BSN: variants seen among roughly 807,000 people sequenced by gnomAD.
The protein encoded by BSN is protein bassoon.
BSN carries 57 observed loss-of-function variants against 264.8 expected under a neutral mutation model. That is an observed-to-expected ratio of 0.22 (90% CI 0.17 to 0.27). The LOEUF (loss-of-function observed/expected upper bound fraction) is 0.27. BSN is among the 10% of genes least tolerant of loss of function. The pLI, the probability that BSN is intolerant of heterozygous loss-of-function variation, is 1.00. For synonymous variants in BSN, 2,059 were observed against 2,137.3 expected, an observed-to-expected ratio of 0.96 and a Z score of 1.01; for missense variants, 4,615 against 5,232.5, an observed-to-expected ratio of 0.88 and a Z score of 3.64.
rs1360440269 is a variant in BSN, at chr3:49,661,019, T to C, written c.9174T>C (p.Pro3058=). ...CCTTCCAGCAGCCCCGCTTCCAGCCTCCAGCCCCACAGTATTCTGCAGGCA... is the reference window on the plus strand; with the variant it reads ...CCTTCCAGCAGCCCCGCTTCCAGCCCCCAGCCCCACAGTATTCTGCAGGCA... ...PTAFQQPRFQ[P]PAPQYSAGSG... Residue 3058 remains proline, a synonymous_variant, in exon 6 of 12, where the codon CCT becomes CCC. Coordinates refer to ENST00000296452, the MANE Select transcript of BSN (RefSeq NM_003458.4). The C allele has an allele frequency of 1.2e-6, 2 of 1,611,050 alleles. No homozygotes were observed. Among genetic ancestry groups the C allele is most frequent in the East Asian group, 4.5e-5 (2 of 44,874 alleles).
At chr3:49,623,535 T>G (rs2052320120) in intron 1 of BSN, among the ~76,000 whole-genome samples, 1 of 152,230 alleles carries the variant, frequency 6.6e-6, no homozygotes, top group Non-Finnish European at 1.5e-5. Flanking sequence ...TGTTGGCTCC[T>G]TTGCAGCCAG....
At chr3:49,613,505 T>G (rs7633189) in intron 1 of BSN, among the ~76,000 whole-genome samples, 3 of 151,684 alleles carry the variant, frequency 2.0e-5, no homozygotes, top group African/African-American at 7.3e-5. Context: ...TATTATTATT[T>G]TTTTTTGAGA....
In BSN at chr3:49,661,762, G is replaced by A. The variant is rs775962156; in HGVS notation, c.9917G>A (p.Arg3306Gln). The A allele has an allele frequency of 6.2e-6, 10 of 1,613,242 alleles. No homozygotes were observed. The highest frequency in any genetic ancestry group is 1.7e-5 in the Admixed American group (1 of 60,010). ...CCCCGCGGGAAGGGTGGCCACCTCC[G>A]GAGCATGGAGAGCAATGGTCGACCA... ...YDPRGKGGHL[R>Q]SMESNGRPAS... is the part of the protein sequence containing the mutation. The change falls in exon 6 of 12, where the codon CGG becomes CAG. Residue 3306 changes from arginine (R) to glutamine (Q), a missense_variant. Around this residue, in one of 3 missense-constraint regions of BSN, gnomAD observed 3,415 missense variants for 3,866.4 expected, o/e 0.88. Transcript: ENST00000296452.
At chr3:49,647,504 C>T (rs1349661079) in intron 3 of BSN, among the ~76,000 whole-genome samples, 3 of 152,166 alleles carry the variant, frequency 2.0e-5, no homozygotes, top group Admixed American at 6.5e-5. Flanking sequence ...AGAGGCCAGG[C>T]GAAGGGGTAA....
chr3:49,562,759 T>C (rs767717335), intron 1 of BSN, among the ~76,000 whole-genome samples: 2 of 152,044 alleles, frequency 1.3e-5, no homozygotes, highest in Non-Finnish European at 2.9e-5. Flanking sequence ...GGGAAAGGCT[T>C]TGAGGAGTGG....
Position 49,652,785 on chromosome 3 carries a change from G to T in BSN, c.3229G>T (p.Asp1077Tyr), listed in dbSNP as rs774168450. 3.9e-6 allele frequency: 6 copies of T among 1,551,408 alleles called. No homozygotes were observed. The highest frequency in any genetic ancestry group is 5.2e-6 in the Non-Finnish European group (6 of 1,147,952). The change falls in exon 5 of 12, where the codon GAC (aspartate) becomes TAC (tyrosine). Residue 1077 changes from aspartate to tyrosine, a missense_variant. Physicochemically the swap from Asp to Tyr is radical, Grantham distance 160 (BLOSUM62 -3). This residue lies in a region of BSN where 3,415 missense variants were observed against 3,866.4 expected (regional missense o/e 0.88). Transcript: ENST00000296452. The stretch of plus-strand genomic sequence containing the variant: ...CAGCACGGCCCGCAAGACCCGGCGG[G>T]ACAAGGAAGAACTGCGGGCCCAGCG... ...IRSTARKTRR[D>Y]KEELRAQRRR...
rs772749621 is a variant in BSN at position 49,651,950 on chromosome 3, C to T, written c.2394C>T (p.Asp798=). 1 of 1,613,418 alleles carries T rather than the reference C, an allele frequency of 6.2e-7. No homozygotes were observed. The highest frequency in any genetic ancestry group is 1.1e-5 in the South Asian group (1 of 91,022). The change falls in exon 5 of 12, where the codon GAC becomes GAT. Residue 798 remains aspartate (D), a synonymous_variant. Transcript: ENST00000296452. The surrounding 1 kb of genome is among the most constrained non-coding windows in gnomAD (Gnocchi z 5.4). ...AEWRRRREQQ[D]TAESSDDFGS... Reference sequence around the variant, plus strand: ...GGAGGCGCCGGAGAGAGCAGCAGGACACTGCCGAGTCCTCAGACGACTTTG... The same window carrying T: ...GGAGGCGCCGGAGAGAGCAGCAGGATACTGCCGAGTCCTCAGACGACTTTG...
intron 1 of BSN, among the ~76,000 whole-genome samples, chr3:49,586,148 G>T (rs1250218117): frequency 1.3e-5 from 2 of 152,112 alleles, no homozygotes; most frequent in African/African-American, 2.4e-5. Context: ...GCCTGTGCTT[G>T]TTGGGTATTG....
At chr3:49,621,624 G>A (rs1200688729) in intron 1 of BSN, among the ~76,000 whole-genome samples, 1 of 152,162 alleles carries the variant, frequency 6.6e-6, no homozygotes, top group Non-Finnish European at 1.5e-5. Flanking sequence ...TGTGACCTGA[G>A]TAATGTCTGT....
intron 3 of BSN, among the ~76,000 whole-genome samples, chr3:49,649,518 C>T (rs1370677675): frequency 6.6e-6 from 1 of 152,210 alleles, no homozygotes; most frequent in Non-Finnish European, 1.5e-5. Context: ...GGAGCCCTGA[C>T]TCTGGAGGAG....
rs745878544 is a variant in BSN at position 49,661,478 on chromosome 3, C to G, written c.9633C>G (p.Ala3211=). 5 of 1,614,022 alleles carry G rather than the reference C, an allele frequency of 3.1e-6. No homozygotes were observed. The Admixed American group carries it at 8.3e-5, about 27-fold the overall frequency. ...GDRGSVSQSP[A]PTYPSDSHYT... is the part of the protein sequence containing the mutation. ...GTGGCAGTGTGAGCCAGAGCCCAGCCCCCACCTACCCCTCTGACTCACACT... is the reference window on the plus strand; with the variant it reads ...GTGGCAGTGTGAGCCAGAGCCCAGCGCCCACCTACCCCTCTGACTCACACT... The change falls in exon 6 of 12, where the codon GCC becomes GCG. Residue 3211 remains alanine (A), a synonymous_variant. Transcript: ENST00000296452.
intron 1 of BSN, among the ~76,000 whole-genome samples, chr3:49,604,328 A>G (rs1051745570): frequency 6.6e-6 from 1 of 152,084 alleles, no homozygotes; most frequent in Non-Finnish European, 1.5e-5. Flanking sequence ...GAACTTTTTC[A>G]TCATCCCAAA....
At chr3:49,616,907 AG>A (rs2052263552) in intron 1 of BSN, among the ~76,000 whole-genome samples, 1 of 152,196 alleles carries the variant, frequency 6.6e-6, no homozygotes, top group African/African-American at 2.4e-5. Flanking sequence ...AGGAGGCCAC[AG>A]GGTACTAAGG....
chr3:49,575,306 A>G (rs564739031), intron 1 of BSN, among the ~76,000 whole-genome samples: 1 of 151,826 alleles, frequency 6.6e-6, no homozygotes, highest in Non-Finnish European at 1.5e-5. Flanking sequence ...GTAACCCGAG[A>G]TCGCAGCACT....
At chr3:49,672,719 G>T (rs572989749), downstream of BSN, among the ~76,000 whole-genome samples, 1 of 150,938 alleles carries the variant, frequency 6.6e-6, no homozygotes, top group East Asian at 2.0e-4. Context: ...GGCCTCAGGT[G>T]ATCCACCCGC....
rs200332194 is a variant in BSN at position 49,654,849 on chromosome 3, G to A, written c.5293G>A (p.Gly1765Arg). ...GAGCCGCCTTGACTTTGGCCAGGGT[G>A]GGGGTAGCCCTGTGTGCCTGGCCCA... ...YQSRLDFGQG[G>R]GSPVCLAQVK... is the part of the protein sequence containing the mutation. The change falls in exon 5 of 12, where the codon GGG (glycine) becomes AGG (arginine). Residue 1765 changes from glycine to arginine, a missense_variant. Gly to Arg is a moderately radical substitution (Grantham distance 125). Coordinates refer to ENST00000296452, the MANE Select transcript of BSN (RefSeq NM_003458.4). This position sits in a 1 kb window ranked among gnomAD's most constrained non-coding sequence, Gnocchi z 4.1. 2 of 1,613,474 alleles carry A rather than the reference G, an allele frequency of 1.2e-6. No homozygotes were observed. Among genetic ancestry groups the A allele is most frequent in the East Asian group, 2.2e-5 (1 of 44,878 alleles).
chr3:49,610,697 A>G (rs1261345561), intron 1 of BSN, among the ~76,000 whole-genome samples: 1 of 151,966 alleles, frequency 6.6e-6, no homozygotes, highest in Non-Finnish European at 1.5e-5. Flanking sequence ...AATAGACAAT[A>G]GGCATTGTTT....
At chr3:49,664,387 G>A (rs762941954) in intron 8 of BSN, 36 bp from the exon 9 acceptor site, 32 of 1,613,518 alleles carry the variant, frequency 2.0e-5, no homozygotes, top group South Asian at 2.0e-4. Flanking sequence ...GAGCCAGGCC[G>A]TGCATAGCTC....
chr3:49,567,468 A>G (rs1032444851), intron 1 of BSN, among the ~76,000 whole-genome samples: 2 of 152,216 alleles, frequency 1.3e-5, no homozygotes, highest in Admixed American at 1.3e-4. Context: ...ACTGATCTAG[A>G]CCGGGCTCCA....
Sources: gnomAD v4.1 joint callset for allele counts (sites outside exome capture counted in the v4.1 genomes callset) on GRCh38, gnomAD v4.1.1 for gene constraint, gnomAD v4.1.1 regional missense constraint, Gnocchi (gnomAD v3.1) non-coding constraint, MANE v1.5 for transcripts, NCBI Gene and HGNC (gene_info 2026-07-23, HGNC 2026-07-21) for gene names.